Variants in WWOX observed in about 807,000 individuals in gnomAD.
The protein encoded by WWOX is WW domain containing oxidoreductase.
WWOX carries 69 observed loss-of-function variants against 46.2 expected under a neutral mutation model. The ratio of observed to expected loss-of-function variants is 1.49; its 90% CI spans 1.23 to 1.82. WWOX has a LOEUF of 1.82. WWOX is among the 40% of genes most tolerant of loss of function. The probability of loss-of-function intolerance (pLI) is 0.00; values close to 1 mark genes in which losing one functional copy is unlikely to be tolerated. For synonymous variants in WWOX, 359 were observed against 202.6 expected (o/e 1.77, Z -6.56); for missense variants, 919 against 542.6 (o/e 1.69, Z -6.89).
chr16:78,407,987 C>T (rs1212513241), intron 6 of WWOX, among the ~76,000 whole-genome samples: 1 of 152,256 alleles, frequency 6.6e-6, no homozygotes, highest in East Asian at 1.9e-4. Context: ...AGTCCCCTGT[C>T]CCTGCTCAAG....
intron 8 of WWOX, chr16:78,691,163 C>A (rs1306154058): frequency 2.0e-5 from 14 of 691,462 alleles, no homozygotes; most frequent in Non-Finnish European, 3.4e-5. Flanking sequence ...GTATTTCCCC[C>A]AGTGTTTGTG....
intron 8 of WWOX, among the ~76,000 whole-genome samples, chr16:78,793,672 T>C (rs2050666549): frequency 6.6e-6 from 1 of 152,142 alleles, no homozygotes; most frequent in African/African-American, 2.4e-5. Flanking sequence ...TATTCAGCCA[T>C]TATGGAAATA....
At chr16:78,418,352 A>T (rs1426187357) in intron 6 of WWOX, among the ~76,000 whole-genome samples, 1 of 151,802 alleles carries the variant, frequency 6.6e-6, no homozygotes, top group Non-Finnish European at 1.5e-5. Flanking sequence ...CAGGAGACAG[A>T]GTAAGACTCC....
chr16:78,967,536 TCCAGGTGATCCAC>T (rs1332987273), intron 8 of WWOX, among the ~76,000 whole-genome samples: 31 of 145,618 alleles, frequency 2.1e-4, no homozygotes, highest in African/African-American at 7.1e-4. Context: ...AACTCCTGAG[TCCAGGTGATCCAC>T]CCATCTTGGC....
intron 5 of WWOX, among the ~76,000 whole-genome samples, chr16:78,365,118 A>C (rs2081504439): frequency 6.6e-6 from 1 of 152,186 alleles, no homozygotes; most frequent in African/African-American, 2.4e-5. Flanking sequence ...TCACTTGCAA[A>C]ATGAAGATGC....
intron 8 of WWOX, among the ~76,000 whole-genome samples, chr16:78,769,363 CT>C (rs2050006712): frequency 6.6e-6 from 1 of 152,092 alleles, no homozygotes; most frequent in African/African-American, 2.4e-5. Flanking sequence ...GCTCCGCCCC[CT>C]CTCTTCCCCT....
intron 8 of WWOX, among the ~76,000 whole-genome samples, chr16:79,003,134 G>C (rs1334946766): frequency 1.3e-5 from 2 of 152,146 alleles, no homozygotes; most frequent in Non-Finnish European, 2.9e-5. Context: ...GCAGAGATAA[G>C]CCTCTCCAAT....
intron 8 of WWOX, among the ~76,000 whole-genome samples, chr16:78,682,770 T>C (rs1165344459): frequency 1.3e-5 from 2 of 152,322 alleles, no homozygotes; most frequent in South Asian, 2.1e-4. Context: ...TTCACGGTAA[T>C]TTGGAGCCAG....
At chr16:79,065,118 C>T (rs1400862988) in intron 8 of WWOX, among the ~76,000 whole-genome samples, 2 of 152,160 alleles carry the variant, frequency 1.3e-5, no homozygotes, top group African/African-American at 2.4e-5. Flanking sequence ...TCTTGTTTCT[C>T]TTCGCTATGG....
chr16:78,518,537 A>G (rs1280478518), intron 8 of WWOX, among the ~76,000 whole-genome samples: 1 of 152,180 alleles, frequency 6.6e-6, no homozygotes, highest in Non-Finnish European at 1.5e-5. Flanking sequence ...TGTTATCTTT[A>G]TATAACATAC....
chr16:79,035,986 G>A (rs1259274126), intron 8 of WWOX, among the ~76,000 whole-genome samples: 1 of 152,116 alleles, frequency 6.6e-6, no homozygotes, highest in African/African-American at 2.4e-5. Context: ...TTGGCTTTTT[G>A]CTTGGCTTAA....
intron 5 of WWOX, among the ~76,000 whole-genome samples, chr16:78,343,275 T>G (rs2081044897): frequency 8.3e-6 from 1 of 120,408 alleles, no homozygotes; most frequent in African/African-American, 2.8e-5. Flanking sequence ...TCACCCATGA[T>G]GCTGTGCTGA....
At chr16:78,668,591 G>C (rs2047387867) in intron 8 of WWOX, among the ~76,000 whole-genome samples, 1 of 152,194 alleles carries the variant, frequency 6.6e-6, no homozygotes, top group Non-Finnish European at 1.5e-5. Context: ...AGGTAGGTGA[G>C]AGACAGGAGT....
chr16:78,704,508 G>A (rs878918293), intron 8 of WWOX, among the ~76,000 whole-genome samples: 1 of 152,108 alleles, frequency 6.6e-6, no homozygotes, highest in African/African-American at 2.4e-5. Flanking sequence ...GCTGACATGA[G>A]CAACAACGAG....
chr16:79,081,753 G>GGCTCCTGTCTCACGCTGGAT (rs1363698613), intron 8 of WWOX, among the ~76,000 whole-genome samples: 5 of 152,064 alleles, frequency 3.3e-5, no homozygotes, highest in Non-Finnish European at 5.9e-5. Flanking sequence ...GGCTTGCGGG[G>GGCTCCTGTCTCACGCTGGAT]GCTCCTGTCT....
In WWOX at chr16:78,754,979, A is replaced by G. The variant is rs1179538017; in HGVS notation, c.1056+322227A>G. ...CAGCCATTTATACTATTAAAAGAAT[A>G]CACAGGAGTTGAACAATGAGAACAC... On this transcript the variant is annotated intron_variant, in intron 8 of 8. Transcript: ENST00000566780. Among the ~76,000 whole-genome samples, 4 of 150,856 alleles carry G rather than the reference A, an allele frequency of 2.7e-5. No homozygotes were observed. The East Asian group carries it at 7.9e-4, about 30-fold the overall frequency.
intron 8 of WWOX, among the ~76,000 whole-genome samples, chr16:78,443,209 A>G: frequency 6.7e-6 from 1 of 149,446 alleles, no homozygotes; most frequent in East Asian, 2.0e-4. Context: ...GGAGGCTGAG[A>G]CATGAAAATC....
intron 8 of WWOX, among the ~76,000 whole-genome samples, chr16:79,139,738 TATGC>T (rs1597410264): frequency 6.6e-6 from 1 of 152,320 alleles, no homozygotes; most frequent in East Asian, 1.9e-4. Flanking sequence ...GAATGATTTA[TATGC>T]ATCATGGGCA....
At chr16:78,703,804 C>G (rs1437598500) in intron 8 of WWOX, among the ~76,000 whole-genome samples, 11 of 152,084 alleles carry the variant, frequency 7.2e-5, no homozygotes, top group Non-Finnish European at 4.4e-5. Context: ...GATTTTTATG[C>G]TCTGAGTTGC....
Sources: gnomAD v4.1 joint callset for allele counts (sites outside exome capture counted in the v4.1 genomes callset) on GRCh38, gnomAD v4.1.1 for gene constraint, MANE v1.5 for transcripts, NCBI Gene and HGNC (gene_info 2026-07-23, HGNC 2026-07-21) for gene names.